The following CREB5 variants were observed in gnomAD, a reference collection of about 807,000 sequenced individuals.
CREB5 encodes the protein cAMP responsive element binding protein 5.
Under a neutral mutation model 57.1 loss-of-function variants are expected in CREB5, and 19 were observed. That is an observed-to-expected ratio of 0.33 (90% confidence interval 0.23 to 0.49). The LOEUF is 0.49. Ranked by LOEUF, CREB5 falls within the 20% of genes least tolerant of loss-of-function variation. The pLI, the probability that CREB5 is intolerant of heterozygous loss-of-function variation, is 0.99. For missense variants in CREB5, 579 were observed against 671.6 expected (o/e 0.86, Z 1.52); for synonymous variants, 238 against 238.3 (o/e 1.00, Z 0.01).
intron 5 of CREB5, chr7:28,686,152 T>A (rs1267531375): frequency 6.2e-7 from 1 of 1,613,800 alleles, no homozygotes; most frequent in Admixed American, 1.7e-5. Context: ...AGAGCTCTCA[T>A]GTTCTGCACC....
chr7:28,776,195 G>A (rs900099254), intron 7 of CREB5, among the ~76,000 whole-genome samples: 1 of 152,026 alleles, frequency 6.6e-6, no homozygotes, highest in African/African-American at 2.4e-5. Flanking sequence ...AAAATTAGCC[G>A]GGTGTGGTGG....
chr7:28,663,052 G>T (rs562712473), intron 5 of CREB5, among the ~76,000 whole-genome samples: 1 of 151,690 alleles, frequency 6.6e-6, no homozygotes, highest in Admixed American at 6.6e-5. Context: ...GGCTGAGGTA[G>T]GAGAATCGCT....
chr7:28,741,654 C>T lies in CREB5; in HGVS notation c.702+17322C>T, dbSNP rs180695542. Among the ~76,000 whole-genome samples, 487 of 152,236 alleles carry T rather than the reference C, an allele frequency of 3.2e-3. 1 individual carries two copies. Among genetic ancestry groups the T allele is most frequent in the African/African-American group, 0.011 (470 of 41,550 alleles). ...ACTGTTCTGCACCATTACTGGATTT[C>T]GAAACCAGAGGAATGATGATCGTAT... is the stretch of plus-strand genomic sequence containing the variant. On this transcript the variant is annotated intron_variant, in intron 7 of 10. Coordinates refer to ENST00000357727, the MANE Select transcript of CREB5 (RefSeq NM_182898.4).
At chr7:28,487,300 C>T (rs1257266634) in intron 1 of CREB5, among the ~76,000 whole-genome samples, 2 of 152,226 alleles carry the variant, frequency 1.3e-5, no homozygotes, top group South Asian at 2.1e-4. Flanking sequence ...ATTACATTAT[C>T]GATCCAACAT....
intron 1 of CREB5, among the ~76,000 whole-genome samples, chr7:28,333,856 T>C (rs1362710729): frequency 6.6e-6 from 1 of 152,252 alleles, no homozygotes; most frequent in Non-Finnish European, 1.5e-5. Flanking sequence ...GCAAGGAGCA[T>C]AGGAGTACAG....
chr7:28,328,643 G>T (rs1159210775), intron 1 of CREB5, among the ~76,000 whole-genome samples: 1 of 152,142 alleles, frequency 6.6e-6, no homozygotes, highest in Admixed American at 6.5e-5. Context: ...AGTTTAGAGG[G>T]CGTCTGCTAT....
intron 5 of CREB5, among the ~76,000 whole-genome samples, chr7:28,582,876 T>C (rs1438802484): frequency 2.6e-5 from 4 of 152,124 alleles, no homozygotes; most frequent in African/African-American, 9.7e-5. Flanking sequence ...TTAAATTTCT[T>C]GGGAAAAACA....
chr7:28,334,513 A>G (rs542623855), intron 1 of CREB5, among the ~76,000 whole-genome samples: 4 of 152,012 alleles, frequency 2.6e-5, no homozygotes, highest in Non-Finnish European at 4.4e-5. Flanking sequence ...ATAAACGTCT[A>G]CTCAGATCTT....
intron 7 of CREB5, among the ~76,000 whole-genome samples, chr7:28,771,024 G>A (rs538027618): frequency 6.6e-6 from 1 of 152,296 alleles, no homozygotes; most frequent in East Asian, 1.9e-4. Flanking sequence ...GTCCTGTGGT[G>A]CACCTGAAAA....
chr7:28,758,192 C>G (rs1805450844), intron 7 of CREB5, among the ~76,000 whole-genome samples: 1 of 152,140 alleles, frequency 6.6e-6, no homozygotes, highest in Non-Finnish European at 1.5e-5. Context: ...TCAGGTAGAC[C>G]TACTAACGAG....
intron 4 of CREB5, among the ~76,000 whole-genome samples, chr7:28,518,498 A>G (rs1793069546): frequency 6.6e-6 from 1 of 152,178 alleles, no homozygotes; most frequent in Non-Finnish European, 1.5e-5. Context: ...ACATAAGGTT[A>G]TTGCTGAATT....
At chr7:28,642,786 A>T (rs929029432) in intron 5 of CREB5, among the ~76,000 whole-genome samples, 1 of 152,052 alleles carries the variant, frequency 6.6e-6, no homozygotes, top group African/African-American at 2.4e-5. Context: ...TCCATCGTGA[A>T]TTTTTGCATG....
chr7:28,334,918 A>G (rs959827575), intron 1 of CREB5, among the ~76,000 whole-genome samples: 14 of 152,224 alleles, frequency 9.2e-5, no homozygotes, highest in South Asian at 2.1e-4. Context: ...ATTCTTCTGC[A>G]TATGGATATC....
chr7:28,532,350 A>C (rs1253134420), intron 4 of CREB5, among the ~76,000 whole-genome samples: 1 of 152,252 alleles, frequency 6.6e-6, no homozygotes, highest in African/African-American at 2.4e-5. Flanking sequence ...GCTGCTGCTG[A>C]ATTCCTGACA....
intron 7 of CREB5, among the ~76,000 whole-genome samples, chr7:28,801,019 C>G (rs1158415119): frequency 6.6e-6 from 1 of 152,134 alleles, no homozygotes; most frequent in Non-Finnish European, 1.5e-5. Flanking sequence ...ACTTGTAAAA[C>G]ATATAGAACA....
intron 1 of CREB5, among the ~76,000 whole-genome samples, chr7:28,330,212 T>C (rs1456296268): frequency 6.6e-6 from 1 of 152,220 alleles, no homozygotes; most frequent in Admixed American, 6.5e-5. Flanking sequence ...AAGGTTTCCT[T>C]GGTATCGTAC....
intron 2 of CREB5, among the ~76,000 whole-genome samples, chr7:28,488,501 C>T (rs1791668184): frequency 6.6e-6 from 1 of 152,214 alleles, no homozygotes; most frequent in Non-Finnish European, 1.5e-5. Flanking sequence ...TTTACTTCCT[C>T]CTGGAAGCAA....
chr7:28,437,201 T>G (rs1788997614), intron 1 of CREB5, among the ~76,000 whole-genome samples: 1 of 152,218 alleles, frequency 6.6e-6, no homozygotes, highest in African/African-American at 2.4e-5. Context: ...CCAATTAAGT[T>G]AATGCCTATT....
At chr7:28,746,793 C>T (rs1236525973) in intron 7 of CREB5, among the ~76,000 whole-genome samples, 2 of 152,178 alleles carry the variant, frequency 1.3e-5, no homozygotes, top group Non-Finnish European at 2.9e-5. Context: ...CCACTGGGTA[C>T]ACAACTAAAT....
Sources: allele counts gnomAD v4.1 joint callset (sites outside exome capture counted in the v4.1 genomes callset), GRCh38; gene constraint gnomAD v4.1.1; transcripts MANE v1.5; gene names NCBI Gene and HGNC (gene_info 2026-07-23, HGNC 2026-07-21).